Variants in GTF3C5 observed in about 807,000 individuals in gnomAD.
GTF3C5 encodes the protein general transcription factor IIIC subunit 5, also known as general transcription factor 3C polypeptide 5.
Under a neutral mutation model 61.0 loss-of-function variants are expected in GTF3C5, and 47 were observed. The ratio of observed to expected loss-of-function variants is 0.77; its 90% CI spans 0.61 to 0.98. The LOEUF (loss-of-function observed/expected upper bound fraction) is 0.98. Ranked by LOEUF, GTF3C5 falls within the 50% of genes least tolerant of loss-of-function variation. The pLI, the probability that GTF3C5 is intolerant of heterozygous loss-of-function variation, is 0.00. For synonymous variants in GTF3C5, 295 were observed against 275.4 expected (o/e 1.07, Z -0.71); for missense variants, 659 against 703.3 (o/e 0.94, Z 0.71).
intron 2 of GTF3C5, among the ~76,000 whole-genome samples, chr9:133,042,755 C>A (rs1024207642): frequency 6.6e-6 from 1 of 152,166 alleles, no homozygotes; most frequent in African/African-American, 2.4e-5. Context: ...ATCAGGTTTC[C>A]CACCTACCAG....
intron 3 of GTF3C5, among the ~76,000 whole-genome samples, chr9:133,048,713 C>T (rs927131149): frequency 6.6e-6 from 1 of 152,206 alleles, no homozygotes; most frequent in African/African-American, 2.4e-5. Context: ...GCCCCTGGCA[C>T]TAGATGGCAG....
intron 2 of GTF3C5, among the ~76,000 whole-genome samples, chr9:133,042,809 G>A (rs1484066403): frequency 6.6e-6 from 1 of 152,216 alleles, no homozygotes; most frequent in Non-Finnish European, 1.5e-5. Context: ...GGAGACGGGT[G>A]AGAAAGACAG....
intron 1 of GTF3C5, among the ~76,000 whole-genome samples, chr9:133,040,297 G>GGACA (rs1850000447): frequency 6.6e-6 from 1 of 152,144 alleles, no homozygotes; most frequent in Admixed American, 6.6e-5. Flanking sequence ...ACTTCCTAAG[G>GGACA]GACAGACCCT....
rs1849715239 is a variant in GTF3C5 at position 133,031,083 on chromosome 9, G to A, written c.72G>A (p.Met24Ile). The A allele has an allele frequency of 6.2e-7, 1 of 1,609,812 alleles. No individual in the cohort carries two copies. Among genetic ancestry groups the A allele is most frequent in the South Asian group, 1.1e-5 (1 of 90,440 alleles). The change falls in exon 1 of 11, where the codon ATG (methionine) becomes ATA (isoleucine). Residue 24 changes from methionine (M) to isoleucine (I), a missense_variant. By Grantham distance (10) the Met-to-Ile change is conservative. Transcript: ENST00000372097. ...TGGAGCTGAGGCGGGAGCGACGCAT[G>A]GTGTGCGTGGAGTACCCGGGAGTGG... ...VPVELRRERRMVCVEYPGVVR... is the reference protein window; with the variant it reads ...VPVELRRERRIVCVEYPGVVR...
At chr9:133,052,017 A>C in intron 4 of GTF3C5, 43 bp from the exon 5 acceptor site, 1 of 1,053,270 alleles carries the variant, frequency 9.5e-7, no homozygotes, top group African/African-American at 1.6e-5. Flanking sequence ...GAAGGGTGGA[A>C]GCTGCTGGTG....
upstream of GTF3C5, chr9:133,030,732 G>A (rs536494166): frequency 5.4e-5 from 30 of 553,196 alleles, no homozygotes; most frequent in Admixed American, 1.2e-4. Context: ...CGGGTCCCTC[G>A]CTGGCTAGTA....
chr9:133,056,325 T>C (rs1415756135), intron 9 of GTF3C5, among the ~76,000 whole-genome samples: 2 of 152,212 alleles, frequency 1.3e-5, no homozygotes, highest in Non-Finnish European at 2.9e-5. Flanking sequence ...TACTGTTATG[T>C]CCTTGCTCCT....
At chr9:133,037,921 C>T (rs534477067) in intron 1 of GTF3C5, among the ~76,000 whole-genome samples, 16 of 152,134 alleles carry the variant, frequency 1.1e-4, no homozygotes, top group Non-Finnish European at 2.1e-4. Flanking sequence ...TGCTGTGCTG[C>T]TCGCTCTTCT....
chr9:133,055,638 T>C (rs541641701), intron 8 of GTF3C5: 58 of 985,258 alleles, frequency 5.9e-5, no homozygotes, highest in Middle Eastern at 1.0e-3. Context: ...TAGGGGGACA[T>C]AGGGTGACAA....
intron 1 of GTF3C5, among the ~76,000 whole-genome samples, chr9:133,039,397 CTTT>C (rs1588465010): frequency 6.6e-6 from 1 of 152,070 alleles, no homozygotes; most frequent in Non-Finnish European, 1.5e-5. Flanking sequence ...TTCTGTACTT[CTTT>C]ATTTTTATTT....
intron 1 of GTF3C5, among the ~76,000 whole-genome samples, chr9:133,033,629 G>T (rs1006278571): frequency 6.6e-6 from 1 of 152,116 alleles, no homozygotes; most frequent in Non-Finnish European, 1.5e-5. Context: ...AGCTCGGCAC[G>T]ATTTATCACC....
At position 133,054,737 on chromosome 9, in the gene GTF3C5, C is replaced by T; in HGVS notation, c.1095C>T (p.Asp365=). The part of the protein sequence containing the change: ...KTSSQLVTMH[D]LKQGLGPSGT... ...CCAGCCAGCTTGTCACCATGCATGA[C>T]CTGAAGCAGGGCCTGGGCCCGTCGG... The change falls in exon 8 of 11, where the codon GAC becomes GAT. Residue 365 remains aspartate (D), a synonymous_variant. Transcript: ENST00000372097. 1 of 1,579,902 alleles carries T rather than the reference C, an allele frequency of 6.3e-7. No individual in the cohort carries two copies. Among genetic ancestry groups the T allele is most frequent in the South Asian group, 1.2e-5 (1 of 86,070 alleles).
chr9:133,037,952 C>A (rs1294423616), intron 1 of GTF3C5, among the ~76,000 whole-genome samples: 1 of 152,136 alleles, frequency 6.6e-6, no homozygotes, highest in African/African-American at 2.4e-5. Flanking sequence ...GCACACGGAA[C>A]AAAGGAGGAA....
intron 2 of GTF3C5, 56 bp from the exon 3 acceptor site, chr9:133,043,672 T>G: frequency 4.3e-6 from 6 of 1,395,500 alleles, no homozygotes; most frequent in Non-Finnish European, 6.1e-6. Flanking sequence ...TGTCGGTGTG[T>G]GGCAGCTGCC....
chr9:133,053,807 T>C (rs1223694728), intron 5 of GTF3C5, 21 bp from the exon 6 acceptor site: 2 of 1,520,836 alleles, frequency 1.3e-6, no homozygotes, highest in Non-Finnish European at 1.8e-6. Flanking sequence ...ACCTCACATT[T>C]TCCCCACTTT....
Position 133,042,129 on chromosome 9 carries a change from C to A in GTF3C5, c.196C>A (p.Pro66Thr). ...CAAGAGGCTGGAGCTGTACTTCCGG[C>A]CCAAGGACCCATACTGCCACCCAGT... Reference protein sequence around the residue: ...PTKRLELYFRPKDPYCHPVCA... With the variant: ...PTKRLELYFRTKDPYCHPVCA... The change falls in exon 2 of 11, where the codon CCC becomes ACC. Residue 66 changes from proline (P) to threonine (T), a missense_variant. Transcript: ENST00000372097. 1.2e-6 allele frequency: 2 copies of A among 1,614,034 alleles called. No homozygotes were observed. Among genetic ancestry groups the A allele is most frequent in the Non-Finnish European group, 1.7e-6 (2 of 1,179,982 alleles).
intron 1 of GTF3C5, among the ~76,000 whole-genome samples, chr9:133,041,126 C>G (rs900528194): frequency 1.3e-5 from 2 of 152,216 alleles, no homozygotes; most frequent in African/African-American, 4.8e-5. Context: ...GGGAAGACGC[C>G]TCTTGCCAAG....
chr9:133,054,985 C>T, intron 8 of GTF3C5, 176 bp downstream of exon 8: 1 of 1,551,700 alleles, frequency 6.4e-7, no homozygotes, highest in South Asian at 1.2e-5. Flanking sequence ...GGGTGCAAAG[C>T]CCCAGGGCTG....
intron 3 of GTF3C5, among the ~76,000 whole-genome samples, chr9:133,047,307 A>G (rs1850236874): frequency 6.6e-6 from 1 of 152,144 alleles, no homozygotes; most frequent in Admixed American, 6.5e-5. Context: ...CCTAGTCTGT[A>G]ACATCCTCTA....
Sources: allele counts gnomAD v4.1 joint callset (sites outside exome capture counted in the v4.1 genomes callset), GRCh38; gene constraint gnomAD v4.1.1; transcripts MANE v1.5; gene names NCBI Gene and HGNC (gene_info 2026-07-23, HGNC 2026-07-21).